Variants in ERC2 observed in about 807,000 individuals in gnomAD.
The protein encoded by ERC2 is ERC protein 2.
A neutral mutation model predicts 114.8 loss-of-function variants in ERC2; 42 were observed. The observed-to-expected ratio is 0.37, with a 90% confidence interval of 0.29 to 0.47. The LOEUF is 0.47. Ranked by LOEUF, ERC2 falls within the 20% of genes least tolerant of loss-of-function variation. The probability of loss-of-function intolerance (pLI) is 0.99; values close to 1 mark genes in which losing one functional copy is unlikely to be tolerated. For missense variants in ERC2, 939 were observed against 1,150.7 expected, an observed-to-expected ratio of 0.82 and a Z score of 2.66; for synonymous variants, 454 against 425.5, an observed-to-expected ratio of 1.07 and a Z score of -0.82.
intron 2 of ERC2, among the ~76,000 whole-genome samples, chr3:56,377,012 T>C (rs2059571699): frequency 6.6e-6 from 1 of 152,192 alleles, no homozygotes; most frequent in African/African-American, 2.4e-5. Flanking sequence ...GCTCCCACAG[T>C]ATCCTGATGC....
At chr3:56,118,826 C>G (rs1296740928) in intron 6 of ERC2, among the ~76,000 whole-genome samples, 1 of 151,908 alleles carries the variant, frequency 6.6e-6, no homozygotes, top group African/African-American at 2.4e-5. Flanking sequence ...TTAGTAGAGA[C>G]GGGGTTTCAC....
intron 15 of ERC2, among the ~76,000 whole-genome samples, chr3:55,713,403 G>A (rs2063898592): frequency 6.6e-6 from 1 of 151,872 alleles, no homozygotes; most frequent in African/African-American, 2.4e-5. Context: ...TAGAGATGGT[G>A]GGGGAGTTTC....
intron 2 of ERC2, among the ~76,000 whole-genome samples, chr3:56,330,074 C>T (rs2150451906): frequency 6.6e-6 from 1 of 151,962 alleles, no homozygotes; most frequent in Admixed American, 6.6e-5. Flanking sequence ...TCTCTGTCAC[C>T]CAGGCTAAAG....
intron 17 of ERC2, among the ~76,000 whole-genome samples, chr3:55,557,059 T>C (rs1266762234): frequency 6.6e-6 from 1 of 152,054 alleles, no homozygotes; most frequent in Admixed American, 6.6e-5. Context: ...GACTGTAATA[T>C]AAAGAAAAAA....
At chr3:55,715,854 T>A (rs815407) in intron 15 of ERC2, among the ~76,000 whole-genome samples, 82,951 of 151,960 alleles carry the variant, frequency 0.55, 23,028 homozygotes, top group South Asian at 0.69. Context: ...CAAATTTCCA[T>A]GTCTCAAAAG....
chr3:55,822,882 T>G (rs988123732), intron 14 of ERC2, among the ~76,000 whole-genome samples: 2 of 152,288 alleles, frequency 1.3e-5, no homozygotes, highest in South Asian at 2.1e-4. Context: ...CAAAGTGCTG[T>G]GATTACAGGC....
At chr3:56,195,752 G>A (rs551009256) in intron 3 of ERC2, among the ~76,000 whole-genome samples, 9 of 152,158 alleles carry the variant, frequency 5.9e-5, no homozygotes, top group East Asian at 5.8e-4. Flanking sequence ...ACTTGAGCCC[G>A]AGGGGTCAAG....
At chr3:56,044,888 C>T (rs190484050) in intron 7 of ERC2, among the ~76,000 whole-genome samples, 3 of 152,250 alleles carry the variant, frequency 2.0e-5, no homozygotes, top group African/African-American at 7.2e-5. Flanking sequence ...TATGTCAAAG[C>T]ACCCTACATC....
intron 17 of ERC2, among the ~76,000 whole-genome samples, chr3:55,517,937 C>G (rs148127785): frequency 6.6e-6 from 1 of 152,348 alleles, no homozygotes; most frequent in South Asian, 2.1e-4. Flanking sequence ...ACAGGAGAGA[C>G]TGCCCATGGC....
chr3:56,044,097 T>G (rs1041103514), intron 7 of ERC2, among the ~76,000 whole-genome samples: 1 of 152,158 alleles, frequency 6.6e-6, no homozygotes, highest in Non-Finnish European at 1.5e-5. Context: ...ACTTTCATTA[T>G]CTTAAGTTAA....
At chr3:55,802,952 G>T (rs2059359654) in intron 14 of ERC2, among the ~76,000 whole-genome samples, 2 of 152,186 alleles carry the variant, frequency 1.3e-5, no homozygotes, top group South Asian at 4.1e-4. Flanking sequence ...GGTGTAGTTA[G>T]CTATTGACCG....
At chr3:55,565,790 A>G (rs2056329458) in intron 17 of ERC2, among the ~76,000 whole-genome samples, 1 of 152,242 alleles carries the variant, frequency 6.6e-6, no homozygotes, top group African/African-American at 2.4e-5. Flanking sequence ...AAATACTTTC[A>G]GAAATAATCA....
chr3:56,139,626 G>T lies in ERC2; in HGVS notation c.1356C>A (p.Ala452=). The change falls in exon 6 of 18, where the codon GCC becomes GCA. Residue 452 remains alanine (A), a synonymous_variant. Coordinates refer to ENST00000288221, the MANE Select transcript of ERC2 (RefSeq NM_015576.3). The part of the protein sequence containing the change: ...ELSKKESELL[A]LQTKLETLSN... ...TGAGGGTTTCAAGCTTTGTTTGTAA[G>T]GCAAGAAGTTCCGACTCTTTCTTTG... is the stretch of plus-strand genomic sequence containing the variant. The T allele has an allele frequency of 6.2e-7, 1 of 1,611,842 alleles. No homozygotes were observed. The highest frequency in any genetic ancestry group is 8.5e-7 in the Non-Finnish European group (1 of 1,178,950).
chr3:55,690,693 G>C (rs1262480054), intron 16 of ERC2, among the ~76,000 whole-genome samples: 1 of 152,012 alleles, frequency 6.6e-6, no homozygotes, highest in Non-Finnish European at 1.5e-5. Context: ...ATCTTCAGTA[G>C]GCTCAAACCT....
At chr3:56,165,836 T>C (rs1464027229) in intron 4 of ERC2, among the ~76,000 whole-genome samples, 1 of 152,042 alleles carries the variant, frequency 6.6e-6, no homozygotes, top group African/African-American at 2.4e-5. Context: ...ATGGATTCAC[T>C]GATATTTTCT....
intron 12 of ERC2, among the ~76,000 whole-genome samples, chr3:55,972,393 C>T (rs1440030927): frequency 6.6e-6 from 1 of 152,160 alleles, no homozygotes; most frequent in Non-Finnish European, 1.5e-5. Flanking sequence ...GCCCCACATG[C>T]ATTAGATATT....
chr3:55,704,747 T>C (rs150736098), intron 15 of ERC2, among the ~76,000 whole-genome samples: 442 of 152,304 alleles, frequency 2.9e-3, no homozygotes, highest in African/African-American at 0.01. Context: ...ATTAAAGGAA[T>C]GTGCCGCATT....
At chr3:55,906,910 A>G (rs1174431593) in intron 13 of ERC2, among the ~76,000 whole-genome samples, 1 of 152,196 alleles carries the variant, frequency 6.6e-6, no homozygotes, top group Non-Finnish European at 1.5e-5. Context: ...CAGGCTGAGT[A>G]TGATGATGCC....
intron 14 of ERC2, among the ~76,000 whole-genome samples, chr3:55,851,539 T>C (rs1315374991): frequency 6.6e-6 from 1 of 152,194 alleles, no homozygotes; most frequent in Non-Finnish European, 1.5e-5. Flanking sequence ...GGGCTTTATT[T>C]AGTTTGGTTC....
Sources: allele counts gnomAD v4.1 joint callset (sites outside exome capture counted in the v4.1 genomes callset), GRCh38; gene constraint gnomAD v4.1.1; transcripts MANE v1.5; gene names NCBI Gene and HGNC (gene_info 2026-07-23, HGNC 2026-07-21).